Variants in LRRK1 observed in about 807,000 individuals in gnomAD.
LRRK1 encodes the protein leucine rich repeat kinase 1.
In LRRK1, 113 loss-of-function variants were observed where a neutral mutation model predicts 209.1. The ratio of observed to expected loss-of-function variants is 0.54; its 90% CI spans 0.46 to 0.63. The LOEUF (loss-of-function observed/expected upper bound fraction) is 0.63, where lower values mean the gene tolerates loss of function less well. Among genes scored for constraint, LRRK1 ranks in the 30% least tolerant of loss-of-function variants. The pLI, the probability that LRRK1 is intolerant of heterozygous loss-of-function variation, is 0.00. For synonymous variants in LRRK1, 1,144 were observed against 1,099.7 expected (o/e 1.04, Z -0.80); for missense variants, 2,284 against 2,632.2 (o/e 0.87, Z 2.89).
chr15:100,946,688 A>G (rs1259897429), intron 2 of LRRK1, among the ~76,000 whole-genome samples: 1 of 152,228 alleles, frequency 6.6e-6, no homozygotes, highest in Non-Finnish European at 1.5e-5. Flanking sequence ...AAGCATAAAA[A>G]TCAACACCAC....
intron 31 of LRRK1, 44 bp from the exon 32 acceptor site, chr15:101,065,308 T>G: frequency 6.3e-7 from 1 of 1,588,824 alleles, no homozygotes; most frequent in Admixed American, 1.7e-5. Context: ...TCTTGGAATG[T>G]GTGAAATGGA....
chr15:100,924,360 C>T (rs1289464660), intron 1 of LRRK1, among the ~76,000 whole-genome samples, 151 bp from the exon 2 acceptor site: 1 of 152,172 alleles, frequency 6.6e-6, no homozygotes, highest in Non-Finnish European at 1.5e-5. Context: ...CTGTGCCTTC[C>T]CACTGACCAC....
chr15:101,058,800 C>CA lies in LRRK1; in HGVS notation c.4679+661dup, dbSNP rs1318584586. Among the ~76,000 whole-genome samples, 6 of 149,094 alleles carry CA rather than the reference C, an allele frequency of 4.0e-5. No individual in the cohort carries two copies. In the East Asian group the frequency reaches 9.7e-4, roughly 24 times the overall value. ...TATTGCCAGAGTTAAAAAAAAAACTCAAGAGTTATGGTTTCAGGTGGGATG... is the reference window on the plus strand; with the variant it reads ...TATTGCCAGAGTTAAAAAAAAAACTCAAAGAGTTATGGTTTCAGGTGGGATG... On this transcript the variant is annotated intron_variant, in intron 29 of 33. Transcript: ENST00000388948.
In LRRK1 at chr15:101,026,223, G is replaced by A. The variant is rs2034026317; in HGVS notation, c.2405+86G>A. The A allele has an allele frequency of 6.6e-6, 9 of 1,366,016 alleles. No homozygotes were observed. The South Asian group carries it at 1.1e-4, about 17-fold the overall frequency. 84.6% of individuals were successfully genotyped at this position (1,366,016 alleles called of 1,614,324 possible). On this transcript the variant is annotated intron_variant, in intron 17 of 33. Transcript: ENST00000388948. ...TGGGATCAGCTTGCAGAGAGCTCCT[G>A]AGTCTGGGTGGGGCTAGGCCCCTTT...
rs780403145 is a variant in LRRK1 at position 101,052,954 on chromosome 15, G to T, written c.3722G>T (p.Ser1241Ile). The T allele has an allele frequency of 1.2e-6, 2 of 1,611,370 alleles. No homozygotes were observed. Among genetic ancestry groups the T allele is most frequent in the Non-Finnish European group, 1.7e-6 (2 of 1,178,204 alleles). Residue 1241 changes from serine (S) to isoleucine (I), a missense_variant, in exon 25 of 34, where the codon AGC becomes ATC. Physicochemically the swap from Ser to Ile is moderately radical, Grantham distance 142 (BLOSUM62 -2). Coordinates refer to ENST00000388948, the MANE Select transcript of LRRK1 (RefSeq NM_024652.6). ...LFLENSKLEH[S>I]EDEGSVLGQG... ...CTGGAGAACAGCAAGCTGGAGCACA[G>T]CGAGGACGAGGGCAGCGTCCTGGGC... is the stretch of plus-strand genomic sequence containing the variant.
rs1010978169 is a variant in LRRK1 at position 101,077,834 on chromosome 15, A to G, written c.*8986A>G. The G allele has an allele frequency of 5.9e-5, 9 of 152,208 alleles. No homozygotes were observed. Among genetic ancestry groups the G allele is most frequent in the Non-Finnish European group, 1.2e-4 (8 of 68,050 alleles). The allele number at this position is 152,208 out of a possible 1,614,324, so 9.4% of individuals were successfully genotyped here. ...ATTTTTCTTATTAATATAAGAAGGC[A>G]GGAATGTCAGGCCTCTGAGCCCAAG... On this transcript the variant is annotated 3_prime_UTR_variant, in exon 34 of 34. Coordinates refer to ENST00000388948, the MANE Select transcript of LRRK1 (RefSeq NM_024652.6).
chr15:100,943,936 C>T (rs1448081244), intron 2 of LRRK1, among the ~76,000 whole-genome samples: 1 of 152,158 alleles, frequency 6.6e-6, no homozygotes, highest in Non-Finnish European at 1.5e-5. Context: ...CCTCGGCCTC[C>T]CAAAGTGCTG....
Position 101,022,541 on chromosome 15 carries a change from G to A in LRRK1, c.2011G>A (p.Ala671Thr). ...GGCCCCCCAGGTGGTGCATGGAGAG[G>A]CCACCATCAGGACCACCAAGTGGGA... The part of the protein sequence containing the change: ...GRAPQVVHGE[A>T]TIRTTKWELQ... Residue 671 changes from alanine to threonine, a missense_variant, in exon 15 of 34, where the codon GCC (alanine) becomes ACC (threonine). Ala to Thr is a moderately conservative substitution (Grantham distance 58). Coordinates refer to ENST00000388948, the MANE Select transcript of LRRK1 (RefSeq NM_024652.6). This position sits in a 1 kb window ranked among gnomAD's most constrained non-coding sequence, Gnocchi z 4.0. 6.2e-7 allele frequency: 1 copy of A among 1,613,866 alleles called. No homozygotes were observed. The highest frequency in any genetic ancestry group is 8.5e-7 in the Non-Finnish European group (1 of 1,180,002).
At chr15:101,015,446 G>C in intron 12 of LRRK1, 44 bp downstream of exon 12, 1 of 1,475,742 alleles carries the variant, frequency 6.8e-7, no homozygotes, top group Non-Finnish European at 9.4e-7. Flanking sequence ...GAGACAGCCG[G>C]GGTAGCCTGG....
intron 6 of LRRK1, among the ~76,000 whole-genome samples, chr15:100,996,109 G>A (rs550565468): frequency 6.6e-6 from 1 of 152,330 alleles, no homozygotes; most frequent in East Asian, 1.9e-4. Flanking sequence ...CTGATGGCTG[G>A]GGGCTGGTGG....
rs369170053 is a variant in LRRK1, at chr15:101,029,171, G to A, written c.2902G>A (p.Glu968Lys). The A allele has an allele frequency of 6.2e-7, 1 of 1,614,158 alleles. No individual in the cohort carries two copies. The highest frequency in any genetic ancestry group is 8.5e-7 in the Non-Finnish European group (1 of 1,179,998). ...LVGTGFTQQT[E>K]EQYFQFLAKF... Reference sequence around the variant, plus strand: ...GGGGACTGGCTTCACGCAGCAGACGGAAGAGCAGTACTTCCAGTTCCTGGC... The same window carrying A: ...GGGGACTGGCTTCACGCAGCAGACGAAAGAGCAGTACTTCCAGTTCCTGGC... Residue 968 changes from glutamate to lysine, a missense_variant, in exon 20 of 34, where the codon GAA (glutamate) becomes AAA (lysine). Coordinates refer to ENST00000388948, the MANE Select transcript of LRRK1 (RefSeq NM_024652.6).
chr15:100,945,971 G>A (rs1235653506), intron 2 of LRRK1, among the ~76,000 whole-genome samples: 1 of 152,188 alleles, frequency 6.6e-6, no homozygotes, highest in Non-Finnish European at 1.5e-5. Context: ...AGAGGCTATA[G>A]AGGAAATACG....
intron 33 of LRRK1, among the ~76,000 whole-genome samples, chr15:101,067,946 G>T (rs1050970587): frequency 6.6e-6 from 1 of 152,232 alleles, no homozygotes; most frequent in Non-Finnish European, 1.5e-5. Flanking sequence ...CCTCCCCTAA[G>T]GGGAGGTCCT....
At chr15:101,011,468 C>T (rs1293905966) in intron 9 of LRRK1, among the ~76,000 whole-genome samples, 2 of 135,818 alleles carry the variant, frequency 1.5e-5, no homozygotes, top group African/African-American at 5.6e-5. Flanking sequence ...GAGCAAGACT[C>T]TGTCTCAAAA....
rs762674468 is a variant in LRRK1 at position 101,021,112 on chromosome 15, G to A, written c.1669G>A (p.Asp557Asn). 18 of 1,614,038 alleles carry A rather than the reference G, an allele frequency of 1.1e-5. No homozygotes were observed. The highest frequency in any genetic ancestry group is 2.7e-5 in the African/African-American group (2 of 74,934). Reference sequence around the variant, plus strand: ...GTCTTTGGAAGTCCTTTGCCTGAACGACAACCACCTCGACACAGTCCCTCC... The same window carrying A: ...GTCTTTGGAAGTCCTTTGCCTGAACAACAACCACCTCGACACAGTCCCTCC... ...SESLEVLCLN[D>N]NHLDTVPPSV... The change falls in exon 13 of 34, where the codon GAC becomes AAC. Residue 557 changes from aspartate (D) to asparagine (N), a missense_variant. By Grantham distance (23) the Asp-to-Asn change is conservative. Coordinates refer to ENST00000388948, the MANE Select transcript of LRRK1 (RefSeq NM_024652.6).
chr15:101,039,569 AT>A (rs2034646514), intron 20 of LRRK1, among the ~76,000 whole-genome samples: 1 of 151,902 alleles, frequency 6.6e-6, no homozygotes, highest in Non-Finnish European at 1.5e-5. Flanking sequence ...ATCTTCACAT[AT>A]TTTTTTGCTC....
chr15:101,047,207 A>G (rs954029916), intron 21 of LRRK1, among the ~76,000 whole-genome samples: 1 of 152,252 alleles, frequency 6.6e-6, no homozygotes, highest in Non-Finnish European at 1.5e-5. Flanking sequence ...CTCTATAAAA[A>G]TGTTCTTTGA....
chr15:101,011,774 G>A (rs908466139), intron 9 of LRRK1, among the ~76,000 whole-genome samples: 1 of 152,118 alleles, frequency 6.6e-6, no homozygotes, highest in Non-Finnish European at 1.5e-5. Context: ...TGGAATGAAG[G>A]AAAAAGACCA....
At chr15:101,013,853 C>T (rs2033402290) in intron 10 of LRRK1, among the ~76,000 whole-genome samples, 1 of 152,014 alleles carries the variant, frequency 6.6e-6, no homozygotes, top group Non-Finnish European at 1.5e-5. Flanking sequence ...GGTGGCACTG[C>T]CACCCCGTCC....
Sources: gnomAD v4.1 joint callset for allele counts (sites outside exome capture counted in the v4.1 genomes callset) on GRCh38, gnomAD v4.1.1 for gene constraint, Gnocchi (gnomAD v3.1) non-coding constraint, MANE v1.5 for transcripts, NCBI Gene and HGNC (gene_info 2026-07-23, HGNC 2026-07-21) for gene names.